Variants in PRKCD observed in about 807,000 individuals in gnomAD.
The protein encoded by PRKCD is protein kinase C delta.
A neutral mutation model predicts 82.2 loss-of-function variants in PRKCD; 20 were observed. That is an observed-to-expected ratio of 0.24 (90% CI 0.17 to 0.35). The LOEUF is 0.35. Ranked by LOEUF, PRKCD falls within the 10% of genes least tolerant of loss-of-function variation. The pLI, the probability that PRKCD is intolerant of heterozygous loss-of-function variation, is 1.00. For missense variants in PRKCD, 607 were observed against 899.0 expected (o/e 0.68, Z 4.15); for synonymous variants, 317 against 337.0 (o/e 0.94, Z 0.65).
chr3:53,186,734 G>C (rs1330355925), intron 14 of PRKCD, 39 bp downstream of exon 14: 12 of 1,554,176 alleles, frequency 7.7e-6, no homozygotes, highest in Admixed American at 1.8e-5. Flanking sequence ...CCAGTGTGGA[G>C]GAAGGGCTAC....
At chr3:53,187,050 T>C (rs1311881504) in intron 14 of PRKCD, among the ~76,000 whole-genome samples, 1 of 151,618 alleles carries the variant, frequency 6.6e-6, no homozygotes, top group African/African-American at 2.4e-5. Flanking sequence ...TACCCCAAAC[T>C]AACCGTGTAT....
rs372028715 is a variant in PRKCD at position 53,184,932 on chromosome 3, C to A, written c.846C>A (p.Ile282=). The A allele has an allele frequency of 1.2e-6, 2 of 1,613,996 alleles. No homozygotes were observed. Among genetic ancestry groups the A allele is most frequent in the Non-Finnish European group, 1.7e-6 (2 of 1,179,994 alleles). Residue 282 remains isoleucine (I), a synonymous_variant, in exon 10 of 19, where the codon ATC becomes ATA. Coordinates refer to ENST00000330452, the MANE Select transcript of PRKCD (RefSeq NM_006254.4). ...AGAAGGTGGCCAACCTCTGCGGCAT[C>A]AACCAGAAGCTTTTGGCTGAGGCCT... is the stretch of plus-strand genomic sequence containing the variant. The part of the protein sequence containing the change: ...CREKVANLCG[I]NQKLLAEALN...
chr3:53,179,929 G>A (rs1703374533), intron 4 of PRKCD, among the ~76,000 whole-genome samples, 153 bp downstream of exon 4: 1 of 152,166 alleles, frequency 6.6e-6, no homozygotes, highest in African/African-American at 2.4e-5. Context: ...CCAGCCCTGT[G>A]GCCAACATGT....
At chr3:53,177,920 C>T (rs1185986498) in intron 2 of PRKCD, among the ~76,000 whole-genome samples, 1 of 151,314 alleles carries the variant, frequency 6.6e-6, no homozygotes, top group Non-Finnish European at 1.5e-5. Context: ...TTACATAAAC[C>T]TCTCAATATT....
intron 7 of PRKCD, 78 bp from the exon 8 acceptor site, chr3:53,183,043 G>A: frequency 1.4e-6 from 2 of 1,448,186 alleles, no homozygotes; most frequent in South Asian, 1.2e-5. Context: ...GGGCTAGACT[G>A]GTCGGCAGGC....
Position 53,181,708 on chromosome 3 carries a change from A to C in PRKCD, c.547A>C (p.Asn183His). 6.2e-7 allele frequency: 1 copy of C among 1,613,076 alleles called. No individual in the cohort carries two copies. Among genetic ancestry groups the C allele is most frequent in the Non-Finnish European group, 8.5e-7 (1 of 1,179,028 alleles). The change falls in exon 7 of 19, where the codon AAC (asparagine) becomes CAC (histidine). Residue 183 changes from asparagine to histidine, a missense_variant. Physicochemically the swap from Asn to His is moderately conservative, Grantham distance 68. Coordinates refer to ENST00000330452, the MANE Select transcript of PRKCD (RefSeq NM_006254.4). ...SVCKDFVWGL[N>H]KQGYKCRQCN... ...CTGGGTTTTGCCTTTCAGGGGCCTC[A>C]ACAAGCAAGGCTACAAATGCAGGCG... is the stretch of plus-strand genomic sequence containing the variant.
Position 53,186,656 on chromosome 3 carries a change from A to G in PRKCD, c.1313A>G (p.His438Arg), listed in dbSNP as rs1553669217. The G allele has an allele frequency of 1.2e-6, 2 of 1,613,884 alleles. No homozygotes were observed. Among genetic ancestry groups the G allele is most frequent in the Non-Finnish European group, 8.5e-7 (1 of 1,179,876 alleles). ...EFLNGGDLMY[H>R]IQDKGRFELY... ...CTCAACGGGGGGGACCTGATGTACC[A>G]CATCCAGGACAAAGGCCGCTTTGAA... The change falls in exon 14 of 19, where the codon CAC becomes CGC. Residue 438 changes from histidine (H) to arginine (R), a missense_variant. Physicochemically the swap from His to Arg is conservative, Grantham distance 29. Transcript: ENST00000330452.
At chr3:53,184,168 TA>T (rs1414370323) in intron 9 of PRKCD, among the ~76,000 whole-genome samples, 29 of 150,490 alleles carry the variant, frequency 1.9e-4, no homozygotes, top group Non-Finnish European at 3.5e-4. Context: ...CTGTCTCTAC[TA>T]AAAAAATACA....
chr3:53,191,654 C>T (rs964759646), intron 18 of PRKCD, among the ~76,000 whole-genome samples: 1 of 152,162 alleles, frequency 6.6e-6, no homozygotes, highest in Non-Finnish European at 1.5e-5. Flanking sequence ...CAGGCATAGA[C>T]AGTATGTCAA....
rs139908684 is a variant in PRKCD, at chr3:53,190,217, G to A, written c.1872+216G>A. Among the ~76,000 whole-genome samples the A allele has an allele frequency of 4.8e-3, 738 of 152,298 alleles. 8 individuals are homozygous for A. The highest frequency in any genetic ancestry group is 0.017 in the African/African-American group (708 of 41,570). On this transcript the variant is annotated intron_variant, in intron 18 of 18. Transcript: ENST00000330452. ...ACTGTGGATCCCACTGTATGCAGAGGACCCTGTTTTGGGAAATAGAGTTAA... is the reference window on the plus strand; with the variant it reads ...ACTGTGGATCCCACTGTATGCAGAGAACCCTGTTTTGGGAAATAGAGTTAA...
At chr3:53,183,318 C>T in intron 8 of PRKCD, 112 bp downstream of exon 8, 1 of 1,530,824 alleles carries the variant, frequency 6.5e-7, no homozygotes, top group East Asian at 2.3e-5. Flanking sequence ...CCCCATTTTT[C>T]TTAGTCTTTC....
chr3:53,175,573 C>T (rs1703188838), intron 2 of PRKCD, among the ~76,000 whole-genome samples: 1 of 152,142 alleles, frequency 6.6e-6, no homozygotes, highest in Admixed American at 6.5e-5. Context: ...GCGGCCTGGC[C>T]ATCATTTTGC....
rs184900804 is a variant in PRKCD, at chr3:53,170,625, T to C, written c.-20+5410T>C. Among the ~76,000 whole-genome samples, 790 of 152,362 alleles carry C rather than the reference T, an allele frequency of 5.2e-3. 3 individuals carry two copies. Among genetic ancestry groups the C allele is most frequent in the Admixed American group, 0.013 (195 of 15,308 alleles). On this transcript the variant is annotated intron_variant, in intron 2 of 18. Transcript: ENST00000330452. ...TCAAGAGGGACTTTCTTCGTCTCCCTGGGTGGAAAGGCCCAGCCTAGCCTG... is the reference window on the plus strand; with the variant it reads ...TCAAGAGGGACTTTCTTCGTCTCCCCGGGTGGAAAGGCCCAGCCTAGCCTG...
chr3:53,168,793 GGCAGCGCCTGCCCGAGAGGTCAGGGA>G (rs1702917166), intron 2 of PRKCD, among the ~76,000 whole-genome samples: 1 of 150,386 alleles, frequency 6.6e-6, no homozygotes, highest in Admixed American at 6.6e-5. Context: ...ATGAGGGAAA[GGCAGCGCCTGCCCGAGAGGTCAGGGA>G]GGTAACGGTG....
intron 7 of PRKCD, among the ~76,000 whole-genome samples, chr3:53,182,712 C>T (rs1703492332): frequency 6.6e-6 from 1 of 152,168 alleles, no homozygotes; most frequent in Non-Finnish European, 1.5e-5. Flanking sequence ...ATTACACATG[C>T]TTTGTGTGTA....
chr3:53,181,331 T>C, intron 5 of PRKCD, 64 bp downstream of exon 5: 2 of 1,608,572 alleles, frequency 1.2e-6, no homozygotes, highest in Non-Finnish European at 1.7e-6. Context: ...AGCACTGAGG[T>C]GTAGGGAAGC....
chr3:53,170,970 CCT>C (rs1234331513), intron 2 of PRKCD, among the ~76,000 whole-genome samples: 2 of 151,550 alleles, frequency 1.3e-5, no homozygotes, highest in African/African-American at 4.9e-5. Flanking sequence ...TACGTGTGCC[CCT>C]GTGTCATCAC....
At chr3:53,172,369 G>T (rs1312090480) in intron 2 of PRKCD, among the ~76,000 whole-genome samples, 1 of 152,046 alleles carries the variant, frequency 6.6e-6, no homozygotes, top group African/African-American at 2.4e-5. Context: ...CACCATGCCC[G>T]GCCCCCTTGC....
intron 18 of PRKCD, among the ~76,000 whole-genome samples, chr3:53,191,837 C>G (rs1703934941): frequency 6.6e-6 from 1 of 152,224 alleles, no homozygotes; most frequent in African/African-American, 2.4e-5. Context: ...GTAAGTGAGC[C>G]TCCCTGGGCT....
Sources: allele counts gnomAD v4.1 joint callset (sites outside exome capture counted in the v4.1 genomes callset), GRCh38; gene constraint gnomAD v4.1.1; transcripts MANE v1.5; gene names NCBI Gene and HGNC (gene_info 2026-07-23, HGNC 2026-07-21).